The following PRKCH variants were observed in gnomAD, a reference collection of about 807,000 sequenced individuals.
PRKCH encodes protein kinase C eta, also known as protein kinase C eta type.
In PRKCH, 28 loss-of-function variants were observed where a neutral mutation model predicts 82.5. The observed-to-expected ratio is 0.34, with a 90% CI of 0.25 to 0.47. The LOEUF (loss-of-function observed/expected upper bound fraction) is 0.47, where lower values mean the gene tolerates loss of function less well. PRKCH is among the 20% of genes least tolerant of loss of function. The pLI, the probability that PRKCH is intolerant of heterozygous loss-of-function variation, is 1.00. For missense variants in PRKCH, 705 were observed against 881.8 expected, an observed-to-expected ratio of 0.80 and a Z score of 2.54; for synonymous variants, 322 against 327.4, an observed-to-expected ratio of 0.98 and a Z score of 0.18.
chr14:61,267,840 C>T (rs572796155), intron 1 of PRKCH, among the ~76,000 whole-genome samples: 2 of 152,172 alleles, frequency 1.3e-5, no homozygotes, highest in African/African-American at 4.8e-5. Flanking sequence ...TTATGTACCA[C>T]TAAGAAAAAA....
upstream of PRKCH, among the ~76,000 whole-genome samples, chr14:61,318,397 G>A (rs1458003003): frequency 7.3e-6 from 1 of 137,704 alleles, no homozygotes; most frequent in African/African-American, 2.8e-5. Flanking sequence ...AGAGATGAGA[G>A]TCTCCCTATG....
intron 1 of PRKCH, chr14:61,347,972 G>C (rs764224913): frequency 1.3e-5 from 2 of 152,502 alleles, no homozygotes; most frequent in Non-Finnish European, 2.9e-5. Context: ...GTATCTCACT[G>C]GTTTCTCCAA....
chr14:61,201,894 G>A (rs1441435834), intron 1 of PRKCH, among the ~76,000 whole-genome samples: 2 of 152,146 alleles, frequency 1.3e-5, no homozygotes, highest in Admixed American at 6.5e-5. Flanking sequence ...GTGAAAACCA[G>A]TTACCTACAA....
At chr14:61,405,001 T>G (rs1165122744) in intron 2 of PRKCH, among the ~76,000 whole-genome samples, 2 of 152,362 alleles carry the variant, frequency 1.3e-5, no homozygotes, top group Middle Eastern at 3.4e-3. Context: ...TGCTGCTGGC[T>G]TACCATTTGG....
intron 10 of PRKCH, among the ~76,000 whole-genome samples, chr14:61,519,507 G>C (rs552444043): frequency 1.3e-5 from 2 of 152,264 alleles, no homozygotes; most frequent in South Asian, 4.1e-4. Context: ...GGGGGTAGTG[G>C]GGAAGAGCCT....
chr14:61,464,965 T>A (rs1255317957), intron 9 of PRKCH, among the ~76,000 whole-genome samples: 1 of 152,170 alleles, frequency 6.6e-6, no homozygotes, highest in East Asian at 1.9e-4. Context: ...AGTCGCCACA[T>A]GGTTTTCCAC....
intron 1 of PRKCH, among the ~76,000 whole-genome samples, chr14:61,335,799 C>T (rs1020700930): frequency 6.6e-6 from 1 of 152,176 alleles, no homozygotes; most frequent in African/African-American, 2.4e-5. Flanking sequence ...TTAACATTTG[C>T]CTAAGTCACA....
At chr14:61,528,875 T>G in intron 10 of PRKCH, 200 bp from the exon 11 acceptor site, 1 of 436,348 alleles carries the variant, frequency 2.3e-6, no homozygotes, top group Non-Finnish European at 4.0e-6. Context: ...ATGAGGCAAG[T>G]TCTGAGACTT....
At chr14:61,404,594 T>C (rs1881839430) in intron 2 of PRKCH, among the ~76,000 whole-genome samples, 1 of 152,120 alleles carries the variant, frequency 6.6e-6, no homozygotes, top group South Asian at 2.1e-4. Context: ...AAATTTGGTG[T>C]GTATGTGGAG....
At chr14:61,234,862 A>G (rs1024361803) in intron 1 of PRKCH, among the ~76,000 whole-genome samples, 1 of 152,244 alleles carries the variant, frequency 6.6e-6, no homozygotes, top group South Asian at 2.1e-4. Flanking sequence ...GTTCAGGGCC[A>G]TCCCATCAGG....
intron 1 of PRKCH, among the ~76,000 whole-genome samples, chr14:61,262,214 C>T (rs1368284272): frequency 2.7e-5 from 2 of 74,864 alleles, no homozygotes; most frequent in African/African-American, 1.4e-4. Flanking sequence ...GAGTGAGACT[C>T]TGTATAAAAA....
intron 10 of PRKCH, among the ~76,000 whole-genome samples, chr14:61,506,442 G>A (rs1887153467): frequency 1.3e-5 from 2 of 152,050 alleles, no homozygotes; most frequent in South Asian, 4.1e-4. Flanking sequence ...TCCAGGGATG[G>A]GGGCTATTTC....
At chr14:61,293,971 C>G (rs995036637) in intron 1 of PRKCH, among the ~76,000 whole-genome samples, 18 of 152,180 alleles carry the variant, frequency 1.2e-4, no homozygotes, top group African/African-American at 4.1e-4. Flanking sequence ...TGTCATCCCA[C>G]TAACGTGGCT....
At chr14:61,209,206 C>T (rs1272616180) in intron 1 of PRKCH, among the ~76,000 whole-genome samples, 5 of 151,460 alleles carry the variant, frequency 3.3e-5, no homozygotes, top group African/African-American at 1.2e-4. Flanking sequence ...TTGGACTTCT[C>T]AGCCTCAAAA....
Position 61,485,772 on chromosome 14 carries a change from CAGA to C in PRKCH, c.1433+119_1433+121del, listed in dbSNP as rs550258644. On this transcript the variant is annotated intron_variant, in intron 10 of 13. Transcript: ENST00000332981. The stretch of plus-strand genomic sequence containing the variant: ...GAAACCTTTTTTGGAATTAAATTCA[CAGA>C]AGTTTTGTTTTGGTTTTTGTTTTTG... 8.7e-5 allele frequency: 119 copies of C among 1,371,688 alleles called. No individual in the cohort carries two copies. In the East Asian group the frequency reaches 2.6e-3, roughly 30 times the overall value. 85.0% of individuals were successfully genotyped at this position (1,371,688 alleles called of 1,614,324 possible). A position where few individuals can be genotyped will look rare whatever the true frequency, so the allele number is the denominator to read the frequency against.
intron 2 of PRKCH, among the ~76,000 whole-genome samples, chr14:61,397,523 CTG>C (rs1483451217): frequency 1.3e-5 from 2 of 152,206 alleles, no homozygotes; most frequent in African/African-American, 4.8e-5. Flanking sequence ...CAGCAGAACT[CTG>C]TGGAGCATCA....
At chr14:61,219,114 T>C (rs2044636761) in intron 1 of PRKCH, among the ~76,000 whole-genome samples, 1 of 152,174 alleles carries the variant, frequency 6.6e-6, no homozygotes, top group African/African-American at 2.4e-5. Flanking sequence ...ACAACCTCCT[T>C]TGGCTCTGAA....
At chr14:61,426,790 C>T (rs1413633852) in intron 2 of PRKCH, among the ~76,000 whole-genome samples, 1 of 152,152 alleles carries the variant, frequency 6.6e-6, no homozygotes, top group Non-Finnish European at 1.5e-5. Flanking sequence ...TCTCATACAA[C>T]TACAAGAAAA....
At chr14:61,410,460 C>T (rs535621898) in intron 2 of PRKCH, among the ~76,000 whole-genome samples, 1 of 152,250 alleles carries the variant, frequency 6.6e-6, no homozygotes, top group African/African-American at 2.4e-5. Flanking sequence ...GGCTCAGCTG[C>T]TTCTGAGTAG....
Sources: allele counts gnomAD v4.1 joint callset (sites outside exome capture counted in the v4.1 genomes callset), GRCh38; gene constraint gnomAD v4.1.1; transcripts MANE v1.5; gene names NCBI Gene and HGNC (gene_info 2026-07-23, HGNC 2026-07-21).